SQOR: variants seen among roughly 807,000 people sequenced by gnomAD.
The protein encoded by SQOR is sulfide:quinone oxidoreductase, mitochondrial.
A neutral mutation model predicts 48.6 loss-of-function variants in SQOR; 39 were observed. The observed-to-expected ratio is 0.80, with a 90% CI of 0.62 to 1.05. The LOEUF (loss-of-function observed/expected upper bound fraction) is 1.05. Ranked by LOEUF, SQOR falls within the 50% of genes least tolerant of loss-of-function variation. The probability of loss-of-function intolerance (pLI) is 0.00; values close to 1 mark genes in which losing one functional copy is unlikely to be tolerated. For synonymous variants in SQOR, 220 were observed against 206.2 expected (o/e 1.07, Z -0.57); for missense variants, 561 against 559.9 (o/e 1.00, Z -0.02).
At chr15:45,665,042 T>C (rs1475376421) in intron 3 of SQOR, among the ~76,000 whole-genome samples, 1 of 152,108 alleles carries the variant, frequency 6.6e-6, no homozygotes, top group African/African-American at 2.4e-5. Context: ...ATCTCTTTGG[T>C]ACAGCAGGGC....
At chr15:45,678,352 G>A (rs1890072201) in intron 6 of SQOR, among the ~76,000 whole-genome samples, 1 of 152,214 alleles carries the variant, frequency 6.6e-6, no homozygotes, top group South Asian at 2.1e-4. Flanking sequence ...ACATTTACCA[G>A]TAAGCTCTTG....
Position 45,688,372 on chromosome 15 carries a change from G to A in SQOR, c.1084G>A (p.Val362Ile), listed in dbSNP as rs767914369. 1 of 1,607,486 alleles carries A rather than the reference G, an allele frequency of 6.2e-7. No homozygotes were observed. Among genetic ancestry groups the A allele is most frequent in the Non-Finnish European group, 8.5e-7 (1 of 1,178,250 alleles). ...AGGAATACTTGATAGGACAATTTCTGTAATTATGAAGAATCAAACACCAAC... is the reference window on the plus strand; with the variant it reads ...AGGAATACTTGATAGGACAATTTCTATAATTATGAAGAATCAAACACCAAC... Reference protein sequence around the residue: ...QSGILDRTISVIMKNQTPTKK... With the variant: ...QSGILDRTISIIMKNQTPTKK... Residue 362 changes from valine to isoleucine, a missense_variant, in exon 8 of 10, where the codon GTA becomes ATA. Transcript: ENST00000260324.
At chr15:45,688,478 A>T in intron 8 of SQOR, 74 bp downstream of exon 8, 1 of 1,137,064 alleles carries the variant, frequency 8.8e-7, no homozygotes, top group Non-Finnish European at 1.2e-6. Context: ...TTTTCCCACA[A>T]TTTTGCACTT....
At chr15:45,660,458 G>A (rs1359994999) in intron 2 of SQOR, among the ~76,000 whole-genome samples, 3 of 152,156 alleles carry the variant, frequency 2.0e-5, no homozygotes, top group Non-Finnish European at 4.4e-5. Flanking sequence ...CTAATGCGTG[G>A]GCGGGTCTCC....
chr15:45,674,960 G>A (rs922703971), intron 5 of SQOR, among the ~76,000 whole-genome samples: 4 of 152,176 alleles, frequency 2.6e-5, no homozygotes, highest in African/African-American at 9.7e-5. Flanking sequence ...TGGAGGCTGG[G>A]ACTGATCAAG....
chr15:45,689,298 T>G (rs1890279923), intron 9 of SQOR, 81 bp downstream of exon 9: 2 of 1,420,808 alleles, frequency 1.4e-6, no homozygotes, highest in South Asian at 2.5e-5. Flanking sequence ...CCTCTTTTCT[T>G]CATTATTAGC....
chr15:45,662,266 C>A, intron 3 of SQOR, 141 bp downstream of exon 3: 1 of 841,538 alleles, frequency 1.2e-6, no homozygotes, highest in Non-Finnish European at 1.8e-6. Flanking sequence ...GAATACTACA[C>A]AAGATGGCAG....
At chr15:45,678,420 T>C (rs1003183777) in intron 6 of SQOR, among the ~76,000 whole-genome samples, 2 of 152,230 alleles carry the variant, frequency 1.3e-5, no homozygotes, top group African/African-American at 4.8e-5. Flanking sequence ...TATGAACTCA[T>C]GAGTTCCTAT....
chr15:45,632,648 G>A (rs1894918195), upstream of SQOR, among the ~76,000 whole-genome samples: 1 of 152,146 alleles, frequency 6.6e-6, no homozygotes, highest in Non-Finnish European at 1.5e-5. Context: ...TTCTTGGCTT[G>A]GATGTGGAGG....
chr15:45,649,498 C>CA (rs1889420491), intron 1 of SQOR, among the ~76,000 whole-genome samples: 1 of 152,036 alleles, frequency 6.6e-6, no homozygotes, highest in Non-Finnish European at 1.5e-5. Context: ...TTTTTTGAGA[C>CA]AGAGTCTTGC....
intron 7 of SQOR, among the ~76,000 whole-genome samples, chr15:45,687,621 A>C (rs867363416): frequency 6.6e-6 from 1 of 152,228 alleles, no homozygotes; most frequent in African/African-American, 2.4e-5. Context: ...GATGAGATGC[A>C]TGAAACAAAA....
chr15:45,649,706 C>G (rs944605798), intron 1 of SQOR, among the ~76,000 whole-genome samples: 1 of 152,122 alleles, frequency 6.6e-6, no homozygotes, highest in African/African-American at 2.4e-5. Flanking sequence ...TAGTCTCAAA[C>G]TCCTGGCCTG....
At position 45,659,210 on chromosome 15, in the gene SQOR, G is replaced by A. The variant is rs1889675996; in HGVS notation, c.234+53G>A. The A allele has an allele frequency of 5.4e-6, 7 of 1,296,636 alleles. No homozygotes were observed. In the East Asian group the frequency reaches 2.3e-4, roughly 43 times the overall value. The allele number at this position is 1,296,636 out of a possible 1,614,324, so 80.3% of individuals were successfully genotyped here. A position where few individuals can be genotyped will look rare whatever the true frequency, so the allele number is the denominator to read the frequency against. Reference sequence around the variant, plus strand: ...TGTGTGTGTACGTGTGTGTGTGTGTGAGTGTGTGTGTGTGTGTGTTCTGGG... The same window carrying A: ...TGTGTGTGTACGTGTGTGTGTGTGTAAGTGTGTGTGTGTGTGTGTTCTGGG... On this transcript the variant is annotated intron_variant, in intron 2 of 9. Coordinates refer to ENST00000260324, the MANE Select transcript of SQOR (RefSeq NM_021199.4).
intron 1 of SQOR, among the ~76,000 whole-genome samples, chr15:45,657,328 T>C (rs1889630445): frequency 6.7e-6 from 1 of 150,156 alleles, no homozygotes; most frequent in South Asian, 2.1e-4. Context: ...AGTAGAGGGG[T>C]GACCAGATTA....
At chr15:45,642,152 G>A (rs539717252) in intron 1 of SQOR, among the ~76,000 whole-genome samples, 3 of 152,200 alleles carry the variant, frequency 2.0e-5, no homozygotes, top group African/African-American at 7.2e-5. Context: ...GCTTCCCCTG[G>A]GGACTCTTTA....
intron 1 of SQOR, among the ~76,000 whole-genome samples, chr15:45,647,780 G>T (rs75359417): frequency 0.1 from 15,564 of 151,960 alleles, 1,225 homozygotes; most frequent in East Asian, 0.45. Flanking sequence ...GCTGGGCGTG[G>T]TTGTGGGTGC....
intron 4 of SQOR, 41 bp downstream of exon 4, chr15:45,670,022 A>G (rs866711751): frequency 2.5e-6 from 4 of 1,580,192 alleles, no homozygotes; most frequent in Middle Eastern, 1.7e-4. Flanking sequence ...TGGCTTATCT[A>G]TGCCAAGAGC....
At chr15:45,648,153 A>G (rs559987165) in intron 1 of SQOR, among the ~76,000 whole-genome samples, 13 of 152,156 alleles carry the variant, frequency 8.5e-5, no homozygotes, top group African/African-American at 2.6e-4. Context: ...TTATTATTTC[A>G]ATGATAGTTT....
chr15:45,681,636 G>A (rs950271209), intron 6 of SQOR, among the ~76,000 whole-genome samples: 1 of 152,076 alleles, frequency 6.6e-6, no homozygotes, highest in African/African-American at 2.4e-5. Context: ...CAATCAATGT[G>A]TCCTTAACTG....
Sources: allele counts gnomAD v4.1 joint callset (sites outside exome capture counted in the v4.1 genomes callset), GRCh38; gene constraint gnomAD v4.1.1; transcripts MANE v1.5; gene names NCBI Gene and HGNC (gene_info 2026-07-23, HGNC 2026-07-21).